PDZD8: variants seen among roughly 807,000 people sequenced by gnomAD.
PDZD8 encodes PDZ domain-containing protein 8.
In PDZD8, 14 loss-of-function variants were observed where a neutral mutation model predicts 85.8. The observed-to-expected ratio is 0.16, with a 90% CI of 0.11 to 0.26. PDZD8 has a LOEUF of 0.26. PDZD8 is among the 10% of genes least tolerant of loss of function. The probability of loss-of-function intolerance (pLI) is 1.00; values close to 1 mark genes in which losing one functional copy is unlikely to be tolerated. For synonymous variants in PDZD8, 592 were observed against 568.6 expected (o/e 1.04, Z -0.59); for missense variants, 1,197 against 1,424.3 (o/e 0.84, Z 2.57).
rs1451972118 is a variant in PDZD8 at position 117,281,485 on chromosome 10, C to G, written c.*1783G>C. 1.3e-5 allele frequency: 2 copies of G among 149,728 alleles called. No homozygotes were observed. The highest frequency in any genetic ancestry group is 2.5e-5 in the African/African-American group (1 of 40,502). 9.3% of individuals were successfully genotyped at this position (149,728 alleles called of 1,614,324 possible). ...ATTTAGTACCTGAAATTTTCGCTTACTAAAGTAACAAAAGGCATGAGACTT... is the reference window on the plus strand; with the variant it reads ...ATTTAGTACCTGAAATTTTCGCTTAGTAAAGTAACAAAAGGCATGAGACTT... On this transcript the variant is annotated 3_prime_UTR_variant, in exon 5 of 5. Transcript: ENST00000334464.
At chr10:117,359,605 A>G (rs1182111830) in intron 1 of PDZD8, among the ~76,000 whole-genome samples, 2 of 151,048 alleles carry the variant, frequency 1.3e-5, no homozygotes, top group East Asian at 3.9e-4. Flanking sequence ...CAACTGCTCG[A>G]GAGGCTGAGG....
At chr10:117,322,695 TG>T (rs1844246533) in intron 2 of PDZD8, among the ~76,000 whole-genome samples, 1 of 151,230 alleles carries the variant, frequency 6.6e-6, no homozygotes, top group Non-Finnish European at 1.5e-5. Flanking sequence ...TTGGCTAGGT[TG>T]ATCAGTGGAA....
At chr10:117,350,828 T>C (rs1484192270) in intron 1 of PDZD8, among the ~76,000 whole-genome samples, 1 of 147,852 alleles carries the variant, frequency 6.8e-6, no homozygotes, top group African/African-American at 2.5e-5. Flanking sequence ...GGCATGAACC[T>C]GGGAGGCAGA....
chr10:117,338,781 C>T (rs1844559145), intron 2 of PDZD8, among the ~76,000 whole-genome samples: 1 of 152,118 alleles, frequency 6.6e-6, no homozygotes. Context: ...TTCTCAATGC[C>T]TTACATGCAG....
intron 1 of PDZD8, among the ~76,000 whole-genome samples, chr10:117,371,420 A>T (rs902929443): frequency 1.3e-5 from 2 of 152,156 alleles, no homozygotes; most frequent in African/African-American, 4.8e-5. Flanking sequence ...CCTGACCTTA[A>T]GTAATCCGCC....
Position 117,285,167 on chromosome 10 carries a change from G to C in PDZD8, c.1566C>G (p.Pro522=). The C allele has an allele frequency of 1.2e-6, 2 of 1,614,116 alleles. No individual in the cohort carries two copies. The highest frequency in any genetic ancestry group is 1.7e-6 in the Non-Finnish European group (2 of 1,179,992). The stretch of plus-strand genomic sequence containing the variant: ...TAGAAAGTGTTGTTGGAACACGTTT[G>C]GGACTATGACTTAATGATTGTGCCT... ...KDEAQSLSHS[P]KRVPTTLSIK... The change falls in exon 5 of 5, where the codon CCC becomes CCG. Residue 522 remains proline, a synonymous_variant. Coordinates refer to ENST00000334464, the MANE Select transcript of PDZD8 (RefSeq NM_173791.5).
At chr10:117,300,388 T>C (rs1843826196) in intron 3 of PDZD8, among the ~76,000 whole-genome samples, 1 of 152,230 alleles carries the variant, frequency 6.6e-6, no homozygotes, top group African/African-American at 2.4e-5. Flanking sequence ...TGTCTGAAAG[T>C]AGAAATATTT....
intron 1 of PDZD8, among the ~76,000 whole-genome samples, chr10:117,355,651 C>G (rs1475552301): frequency 1.3e-5 from 2 of 152,114 alleles, no homozygotes; most frequent in Non-Finnish European, 2.9e-5. Flanking sequence ...TTACACCTAC[C>G]TCACAGTGCT....
At chr10:117,321,985 T>G (rs17627591) in intron 2 of PDZD8, among the ~76,000 whole-genome samples, 2,973 of 152,314 alleles carry the variant, frequency 0.02, 48 homozygotes, top group South Asian at 0.031. Context: ...ATACAAAGCA[T>G]TATTTGTCCT....
chr10:117,322,596 G>A (rs1844244464), intron 2 of PDZD8, among the ~76,000 whole-genome samples: 1 of 152,278 alleles, frequency 6.6e-6, no homozygotes. Flanking sequence ...AGAATTTGCA[G>A]TTATGTTGGT....
At chr10:117,357,683 T>C (rs1205817116) in intron 1 of PDZD8, among the ~76,000 whole-genome samples, 4 of 144,242 alleles carry the variant, frequency 2.8e-5, no homozygotes, top group East Asian at 2.1e-4. Context: ...GGAGAATCAC[T>C]TGAACCCAGA....
At chr10:117,357,311 C>G (rs760490595) in intron 1 of PDZD8, among the ~76,000 whole-genome samples, 4 of 152,088 alleles carry the variant, frequency 2.6e-5, no homozygotes, top group African/African-American at 4.8e-5. Context: ...ACGAGAATCA[C>G]TTGAACTTGG....
chr10:117,360,138 A>G (rs961833175), intron 1 of PDZD8, among the ~76,000 whole-genome samples: 1 of 152,232 alleles, frequency 6.6e-6, no homozygotes, highest in Non-Finnish European at 1.5e-5. Context: ...ATGCTGAACA[A>G]AAGAGTGATA....
chr10:117,294,327 C>A (rs1352946226), intron 3 of PDZD8, among the ~76,000 whole-genome samples: 22 of 142,608 alleles, frequency 1.5e-4, no homozygotes, highest in African/African-American at 4.3e-4. Context: ...ACCAAAAAGA[C>A]AAAAAAAAAA....
rs1450319386 is a variant in PDZD8, at chr10:117,284,306, T to G, written c.2427A>C (p.Val809=). ...GESDHHVVTN[V]EKEKEPHLVE... ...CCAAATGGGGTTCTTTTTCTTTTTC[T>G]ACGTTAGTAACTACATGGTGGTCTG... The change falls in exon 5 of 5, where the codon GTA becomes GTC. Residue 809 remains valine, a synonymous_variant. Transcript: ENST00000334464. 1 of 1,613,852 alleles carries G rather than the reference T, an allele frequency of 6.2e-7. No individual in the cohort carries two copies. Among genetic ancestry groups the G allele is most frequent in the Non-Finnish European group, 8.5e-7 (1 of 1,180,002 alleles).
rs1380140600 is a variant in PDZD8 at position 117,330,755 on chromosome 10, C to G, written c.995+10225G>C. 2.6e-5 allele frequency among the ~76,000 whole-genome samples: 4 copies of G among 152,286 alleles called. No homozygotes were observed. The East Asian group carries it at 7.7e-4, about 29-fold the overall frequency. ...TTACTCCATAAATATGCACATTTTT[C>G]TTAATATCACCTTCAATAACTTTTC... On this transcript the variant is annotated intron_variant, in intron 2 of 4. Transcript: ENST00000334464.
chr10:117,303,453 T>A (rs1314527571), intron 3 of PDZD8, among the ~76,000 whole-genome samples: 1 of 152,186 alleles, frequency 6.6e-6, no homozygotes, highest in African/African-American at 2.4e-5. Context: ...GCATAAAAGT[T>A]TGGAAAATTT....
intron 1 of PDZD8, among the ~76,000 whole-genome samples, chr10:117,364,312 T>C (rs545522303): frequency 6.6e-6 from 1 of 152,286 alleles, no homozygotes; most frequent in East Asian, 1.9e-4. Flanking sequence ...CCTGTGTTTA[T>C]AATGACAACG....
At chr10:117,312,516 T>A (rs1844056345) in intron 3 of PDZD8, among the ~76,000 whole-genome samples, 1 of 152,120 alleles carries the variant, frequency 6.6e-6, no homozygotes, top group Non-Finnish European at 1.5e-5. Context: ...GTAAAAAAAA[T>A]ACAGCATGTT....
Sources: gnomAD v4.1 joint callset for allele counts (sites outside exome capture counted in the v4.1 genomes callset) on GRCh38, gnomAD v4.1.1 for gene constraint, MANE v1.5 for transcripts, NCBI Gene and HGNC (gene_info 2026-07-23, HGNC 2026-07-21) for gene names.